CFAP44: variants seen among roughly 807,000 people sequenced by gnomAD.
The protein encoded by CFAP44 is cilia- and flagella-associated protein 44.
A neutral mutation model predicts 216.2 loss-of-function variants in CFAP44; 134 were observed. The ratio of observed to expected loss-of-function variants is 0.62; its 90% CI spans 0.54 to 0.72. The LOEUF is 0.72. Ranked by LOEUF, CFAP44 falls within the 30% of genes least tolerant of loss-of-function variation. The pLI is 0.00. For synonymous variants in CFAP44, 700 were observed against 727.6 expected, an observed-to-expected ratio of 0.96 and a Z score of 0.61; for missense variants, 2,035 against 2,182.1, an observed-to-expected ratio of 0.93 and a Z score of 1.34.
intron 15 of CFAP44, among the ~76,000 whole-genome samples, chr3:113,385,019 T>C (rs1204942457): frequency 6.6e-6 from 1 of 152,212 alleles, no homozygotes; most frequent in African/African-American, 2.4e-5. Flanking sequence ...AATCGGATCA[T>C]TGGGGCAGGT....
At chr3:113,372,394 C>T (rs1933196738) in intron 18 of CFAP44, among the ~76,000 whole-genome samples, 1 of 151,202 alleles carries the variant, frequency 6.6e-6, no homozygotes, top group African/African-American at 2.5e-5. Flanking sequence ...GAATACTATG[C>T]AGCCATAAAA....
At chr3:113,418,161 G>C (rs1013049013) in intron 5 of CFAP44, among the ~76,000 whole-genome samples, 1 of 151,688 alleles carries the variant, frequency 6.6e-6, no homozygotes, top group Non-Finnish European at 1.5e-5. Flanking sequence ...GATCTCTGCT[G>C]TCTGCAACCT....
rs1373624106 is a variant in CFAP44, at chr3:113,289,119, A to G, written c.*2438T>C. ...CTGGTCTACTTGTGTTTGAAGCTTA[A>G]CTTCCCAAAGACTCAGATGCTCTAA... On this transcript the variant is annotated 3_prime_UTR_variant, in exon 35 of 35. Transcript: ENST00000393845. The G allele has an allele frequency of 6.6e-6, 1 of 152,190 alleles. No individual in the cohort carries two copies. The highest frequency in any genetic ancestry group is 1.5e-5 in the Non-Finnish European group (1 of 68,028). The allele number at this position is 152,190 out of a possible 1,614,324, so 9.4% of individuals were successfully genotyped here.
intron 7 of CFAP44, 52 bp downstream of exon 7, chr3:113,409,054 G>T: frequency 2.9e-5 from 22 of 762,260 alleles, no homozygotes; most frequent in Non-Finnish European, 4.4e-5. Context: ...GATCCTCTTA[G>T]AAAAATACTC....
chr3:113,308,534 C>T (rs76089515), intron 28 of CFAP44, among the ~76,000 whole-genome samples: 4,583 of 152,158 alleles, frequency 0.03, 82 homozygotes, highest in Middle Eastern at 0.058. Flanking sequence ...TGAAACAGAC[C>T]CACAATTCCT....
Position 113,358,838 on chromosome 3 carries a change from T to C in CFAP44, c.2972A>G (p.His991Arg), listed in dbSNP as rs1175796291. Residue 991 changes from histidine to arginine, a missense_variant, in exon 22 of 35, where the codon CAC (histidine) becomes CGC (arginine). Physicochemically the swap from His to Arg is conservative, Grantham distance 29 (BLOSUM62 0). Transcript: ENST00000393845. ...TTGAATTTTGAAAGCTGTTTTTCTG[T>C]GCATCTCAGCACGGATTTGGGAATC... ...DVDSQIRAEMHRKTAFKIQQV... is the reference protein window; with the variant it reads ...DVDSQIRAEMRRKTAFKIQQV... The C allele has an allele frequency of 1.3e-6, 2 of 1,536,730 alleles. No individual in the cohort carries two copies. The highest frequency in any genetic ancestry group is 4.9e-5 in the East Asian group (2 of 40,900).
rs369288050 is a variant in CFAP44, at chr3:113,366,153, G to C, written c.2601C>G (p.Ser867Arg). The part of the protein sequence containing the change: ...NYGCIKSIAN[S>R]FDDRFLVTAG... Reference sequence around the variant, plus strand: ...CAGTCACCAAGAAACGATCATCAAAGCTATTAGCAATACTTTTAATACATC... The same window carrying C: ...CAGTCACCAAGAAACGATCATCAAACCTATTAGCAATACTTTTAATACATC... The change falls in exon 19 of 35, where the codon AGC becomes AGG. Residue 867 changes from serine to arginine, a missense_variant. This residue lies in a region of CFAP44 where 1,883 missense variants were observed against 2,023.7 expected (regional missense o/e 0.93). Coordinates refer to ENST00000393845, the MANE Select transcript of CFAP44 (RefSeq NM_001164496.2). 2 of 1,613,800 alleles carry C rather than the reference G, an allele frequency of 1.2e-6. No homozygotes were observed. The highest frequency in any genetic ancestry group is 2.7e-5 in the African/African-American group (2 of 74,864).
chr3:113,388,693 C>T (rs1933715186), intron 15 of CFAP44, among the ~76,000 whole-genome samples: 1 of 152,048 alleles, frequency 6.6e-6, no homozygotes, highest in Non-Finnish European at 1.5e-5. Context: ...AGTAAAGGAA[C>T]AGAAAGATGT....
chr3:113,360,398 T>C (rs375266635), intron 21 of CFAP44: 3 of 229,930 alleles, frequency 1.3e-5, no homozygotes, highest in East Asian at 1.1e-4. Context: ...GTGGTGTCTA[T>C]TGGGGTTTGA....
At chr3:113,385,381 A>C (rs1933619762) in intron 15 of CFAP44, among the ~76,000 whole-genome samples, 1 of 152,256 alleles carries the variant, frequency 6.6e-6, no homozygotes, top group African/African-American at 2.4e-5. Flanking sequence ...AGGTAGTCAG[A>C]AGATGATAGC....
intron 7 of CFAP44, among the ~76,000 whole-genome samples, chr3:113,407,850 A>C (rs1192749738): frequency 1.3e-5 from 2 of 152,218 alleles, no homozygotes; most frequent in Non-Finnish European, 2.9e-5. Context: ...TCTCCAAAGG[A>C]ATGGTAGGTC....
At chr3:113,419,987 G>C (rs1559943829) in intron 5 of CFAP44, 30 bp downstream of exon 5, 1 of 1,601,840 alleles carries the variant, frequency 6.2e-7, no homozygotes, top group East Asian at 2.2e-5. Context: ...GGGTTTTTTG[G>C]GGTTTTTTTC....
chr3:113,398,202 G>C (rs1259422947), intron 13 of CFAP44, among the ~76,000 whole-genome samples: 1 of 152,170 alleles, frequency 6.6e-6, no homozygotes, highest in East Asian at 1.9e-4. Flanking sequence ...ATGAAAAACA[G>C]TCTAGTGGGA....
At chr3:113,393,044 G>A (rs1025955579) in intron 15 of CFAP44, among the ~76,000 whole-genome samples, 1 of 152,180 alleles carries the variant, frequency 6.6e-6, no homozygotes, top group Admixed American at 6.5e-5. Flanking sequence ...GAATGGCTCT[G>A]TGTGTACATG....
At chr3:113,414,489 T>C (rs1934585856) in intron 6 of CFAP44, among the ~76,000 whole-genome samples, 1 of 152,224 alleles carries the variant, frequency 6.6e-6, no homozygotes. Flanking sequence ...TGATATTGGC[T>C]GTGGGTTTGT....
chr3:113,422,851 T>C (rs1352633654), intron 4 of CFAP44, among the ~76,000 whole-genome samples: 1 of 152,166 alleles, frequency 6.6e-6, no homozygotes, highest in East Asian at 1.9e-4. Context: ...TTATTATCTT[T>C]AATTTTAGCA....
At chr3:113,296,369 A>G (rs955481362) in intron 33 of CFAP44, among the ~76,000 whole-genome samples, 2 of 152,178 alleles carry the variant, frequency 1.3e-5, no homozygotes, top group Admixed American at 1.3e-4. Context: ...CATTTCTCCA[A>G]TGATTAGTGA....
At chr3:113,305,456 G>T (rs1372113598) in intron 30 of CFAP44, among the ~76,000 whole-genome samples, 2 of 152,140 alleles carry the variant, frequency 1.3e-5, no homozygotes, top group Non-Finnish European at 2.9e-5. Context: ...CAGCCCATCA[G>T]CATGGAATGT....
intron 4 of CFAP44, among the ~76,000 whole-genome samples, chr3:113,422,616 T>C (rs1934847596): frequency 6.6e-6 from 1 of 152,232 alleles, no homozygotes; most frequent in Admixed American, 6.5e-5. Context: ...AATGAAGCTA[T>C]TCAAGCCTCC....
Sources: gnomAD v4.1 joint callset for allele counts (sites outside exome capture counted in the v4.1 genomes callset) on GRCh38, gnomAD v4.1.1 for gene constraint, gnomAD v4.1.1 regional missense constraint, MANE v1.5 for transcripts, NCBI Gene and HGNC (gene_info 2026-07-23, HGNC 2026-07-21) for gene names.